Variants in RTL4 observed in about 807,000 individuals in gnomAD.
The protein encoded by RTL4 is retrotransposon Gag like 4.
A neutral mutation model predicts 5.3 loss-of-function variants in RTL4; 4 were observed. That is an observed-to-expected ratio of 0.75 (90% CI 0.37 to 1.72). RTL4 has a LOEUF of 1.72. Ranked by LOEUF, RTL4 falls within the 40% of genes most tolerant of loss-of-function variation. The pLI, the probability that RTL4 is intolerant of heterozygous loss-of-function variation, is 0.04. For missense variants in RTL4, 260 were observed against 227.1 expected, an observed-to-expected ratio of 1.14 and a Z score of -0.93; for synonymous variants, 98 against 87.3, an observed-to-expected ratio of 1.12 and a Z score of -0.68.
chrX:112,383,654 A>G, the RTL4 span, among the ~76,000 whole-genome samples: 815 of 112,328 alleles, frequency 7.3e-3, 6 homozygotes, highest in African/African-American at 0.025. Context: ...ATGGAATACT[A>G]CACAGCCATA....
At chrX:112,195,972 A>G in the RTL4 span, among the ~76,000 whole-genome samples, 5 of 111,697 alleles carry the variant, frequency 4.5e-5, no homozygotes. Flanking sequence ...CAGAAACAGT[A>G]GGGAGAGATC....
chrX:112,393,147 C>CTTTTTTTTTTTTTTTTTTTTTTTT, the RTL4 span, among the ~76,000 whole-genome samples: 3 of 81,482 alleles, frequency 3.7e-5, no homozygotes, highest in Non-Finnish European at 6.9e-5. Context: ...TTCTTTCTTT[C>CTTTTTTTTTTTTTTTTTTTTTTTT]TTTTTTTTTT....
chrX:112,416,360 CCTT>C, the RTL4 span, among the ~76,000 whole-genome samples: 913 of 112,071 alleles, frequency 8.1e-3, 10 homozygotes, highest in African/African-American at 0.027. Context: ...AACTCACACT[CCTT>C]CTTATATCAT....
At chrX:112,374,288 T>C in the RTL4 span, among the ~76,000 whole-genome samples, 1 of 111,371 alleles carries the variant, frequency 9.0e-6, no homozygotes, top group Non-Finnish European at 1.9e-5. Context: ...CTTGACTCAG[T>C]GCCACCTTTG....
the RTL4 span, among the ~76,000 whole-genome samples, chrX:112,411,881 G>A: frequency 9.1e-6 from 1 of 110,249 alleles, no homozygotes; most frequent in Non-Finnish European, 1.9e-5. Context: ...AAGAAATAAA[G>A]GATATCTAAA....
chrX:112,217,239 T>C, the RTL4 span, among the ~76,000 whole-genome samples: 11 of 111,532 alleles, frequency 9.9e-5, no homozygotes, highest in South Asian at 3.1e-3. Context: ...AATAGTGACA[T>C]AGGCAGTGTC....
chrX:112,334,943 A>G, the RTL4 span, among the ~76,000 whole-genome samples: 2 of 112,103 alleles, frequency 1.8e-5, no homozygotes, highest in African/African-American at 6.5e-5. Flanking sequence ...CTTCATTTTA[A>G]TTGTATACAA....
chrX:112,175,943 C>T, the RTL4 span, among the ~76,000 whole-genome samples: 1 of 110,691 alleles, frequency 9.0e-6, no homozygotes, highest in Non-Finnish European at 1.9e-5. Flanking sequence ...CAAATTGTCC[C>T]TGTTTGCAGA....
chrX:112,312,154 C>T, the RTL4 span, among the ~76,000 whole-genome samples: 1 of 111,442 alleles, frequency 9.0e-6, no homozygotes, highest in Non-Finnish European at 1.9e-5. Flanking sequence ...GTTGAAAGTA[C>T]AGGTCATGGC....
the RTL4 span, among the ~76,000 whole-genome samples, chrX:112,224,059 C>A: frequency 3.6e-5 from 4 of 111,100 alleles, no homozygotes; most frequent in Non-Finnish European, 7.5e-5. Flanking sequence ...CTTGGCCTTT[C>A]CTGAATCTCT....
At chrX:112,448,876 T>C in the RTL4 span, among the ~76,000 whole-genome samples, 3 of 111,527 alleles carry the variant, frequency 2.7e-5, no homozygotes, top group African/African-American at 9.8e-5. Context: ...ATAAGGTGGG[T>C]TTTTTGAGAT....
chrX:112,327,158 A>T, the RTL4 span, among the ~76,000 whole-genome samples: 78 of 112,606 alleles, frequency 6.9e-4, no homozygotes, highest in South Asian at 0.029. Context: ...TGGACGGAGA[A>T]TGACTTTGAC....
the RTL4 span, among the ~76,000 whole-genome samples, chrX:112,083,817 G>A: frequency 2.7e-5 from 3 of 111,280 alleles, no homozygotes; most frequent in Admixed American, 2.8e-4. Flanking sequence ...GGGCTAAATA[G>A]CCCCACCCCC....
At chrX:112,402,401 TGTGTGTG>T in the RTL4 span, among the ~76,000 whole-genome samples, 6 of 9,310 alleles carry the variant, frequency 6.4e-4, no homozygotes, top group African/African-American at 1.9e-3. Context: ...GAATTATTAT[TGTGTGTG>T]TGTGTGTGTG....
chrX:112,142,936 C>A, the RTL4 span, among the ~76,000 whole-genome samples: 1 of 111,066 alleles, frequency 9.0e-6, no homozygotes, highest in Non-Finnish European at 1.9e-5. Flanking sequence ...TCAAGAGATT[C>A]TTCTACCTAA....
the RTL4 span, among the ~76,000 whole-genome samples, chrX:112,429,567 C>T: frequency 3.6e-5 from 4 of 110,580 alleles, no homozygotes; most frequent in Non-Finnish European, 7.6e-5. Flanking sequence ...TTAAAACAAA[C>T]TGTTGTCAGT....
the RTL4 span, among the ~76,000 whole-genome samples, chrX:112,321,313 G>A: frequency 1.3e-4 from 14 of 111,286 alleles, no homozygotes; most frequent in Middle Eastern, 4.6e-3. Flanking sequence ...CAAGGTGGGC[G>A]GATCACGAGG....
At chrX:112,149,016 G>T in the RTL4 span, among the ~76,000 whole-genome samples, 14 of 111,120 alleles carry the variant, frequency 1.3e-4, no homozygotes, top group Non-Finnish European at 2.3e-4. Context: ...AGAATCTCCT[G>T]TATCTGTCTG....
the RTL4 span, among the ~76,000 whole-genome samples, chrX:112,251,313 T>C: frequency 8.9e-6 from 1 of 112,330 alleles, no homozygotes; most frequent in Non-Finnish European, 1.9e-5. Flanking sequence ...TCTTTCTGTC[T>C]TTTTTATCCT....
Sources: allele counts gnomAD v4.1 joint callset (sites outside exome capture counted in the v4.1 genomes callset), GRCh38; gene constraint gnomAD v4.1.1; transcripts MANE v1.5; gene names NCBI Gene and HGNC (gene_info 2026-07-23, HGNC 2026-07-21).